The following DYNC2H1 variants were observed in gnomAD, a reference collection of about 807,000 sequenced individuals.
DYNC2H1 encodes the protein cytoplasmic dynein 2 heavy chain 1.
Under a neutral mutation model 570.0 loss-of-function variants are expected in DYNC2H1, and 410 were observed. That is an observed-to-expected ratio of 0.72 (90% CI 0.66 to 0.78). The LOEUF is 0.78. DYNC2H1 is among the 30% of genes least tolerant of loss of function. The pLI is 0.00. For missense variants in DYNC2H1, 4,865 were observed against 5,046.4 expected, an observed-to-expected ratio of 0.96 and a Z score of 1.09; for synonymous variants, 1,688 against 1,677.6, an observed-to-expected ratio of 1.01 and a Z score of -0.15.
chr11:103,349,471 C>T (rs528916357), intron 82 of DYNC2H1, among the ~76,000 whole-genome samples: 7 of 151,956 alleles, frequency 4.6e-5, no homozygotes, highest in Admixed American at 1.3e-4. Context: ...ATTCAGGGTG[C>T]GACAAAGTAT....
At chr11:103,448,927 TC>T (rs397829175) in intron 85 of DYNC2H1, among the ~76,000 whole-genome samples, 28 of 152,110 alleles carry the variant, frequency 1.8e-4, no homozygotes, top group Admixed American at 5.9e-4. Flanking sequence ...TTCTTTTTTT[TC>T]CTTTGTTTCT....
intron 83 of DYNC2H1, among the ~76,000 whole-genome samples, chr11:103,392,827 A>G (rs1463652922): frequency 3.3e-5 from 5 of 151,588 alleles, no homozygotes; most frequent in Admixed American, 6.6e-5. Flanking sequence ...CAAATGTATG[A>G]TATTGTATGT....
At chr11:103,166,634 A>C (rs557729383) in intron 31 of DYNC2H1, among the ~76,000 whole-genome samples, 104 of 152,244 alleles carry the variant, frequency 6.8e-4, no homozygotes, top group African/African-American at 2.4e-3. Flanking sequence ...TTAGCATTTA[A>C]AGTGTTCTAC....
intron 68 of DYNC2H1, 101 bp from the exon 69 acceptor site, chr11:103,257,507 T>C: frequency 8.5e-7 from 1 of 1,182,026 alleles, no homozygotes; most frequent in South Asian, 2.9e-5. Context: ...AAGGTTTTTT[T>C]ATTACTTGGG....
chr11:103,430,193 CAT>C (rs1943837039), intron 84 of DYNC2H1, among the ~76,000 whole-genome samples: 1 of 152,030 alleles, frequency 6.6e-6, no homozygotes, highest in African/African-American at 2.4e-5. Flanking sequence ...ATACAATAAA[CAT>C]ATTAAGATTC....
intron 40 of DYNC2H1, among the ~76,000 whole-genome samples, chr11:103,182,526 C>G (rs1177904670): frequency 6.6e-6 from 1 of 151,646 alleles, no homozygotes; most frequent in Non-Finnish European, 1.5e-5. Context: ...AAGGGTTTAT[C>G]TAATGGAGAA....
intron 36 of DYNC2H1, among the ~76,000 whole-genome samples, chr11:103,175,254 C>G (rs1861755334): frequency 6.6e-6 from 1 of 152,102 alleles, no homozygotes; most frequent in Non-Finnish European, 1.5e-5. Flanking sequence ...ATGAAATTAC[C>G]TCTTTGGACT....
intron 12 of DYNC2H1, among the ~76,000 whole-genome samples, chr11:103,127,428 T>C (rs572213444): frequency 6.6e-6 from 1 of 152,292 alleles, no homozygotes; most frequent in South Asian, 2.1e-4. Flanking sequence ...TTGTATTGCT[T>C]CTGGTTTTCT....
rs923987914 is a variant in DYNC2H1 at position 103,305,337 on chromosome 11, C to A, written c.11382+617C>A. The stretch of plus-strand genomic sequence containing the variant: ...AGAAAGGATATCATGATTTTAATTC[C>A]ATCAGCACAAGTAGAGATAGTGTTG... On this transcript the variant is annotated intron_variant, in intron 77 of 88. Transcript: ENST00000375735. The surrounding 1 kb of genome is among the most constrained non-coding windows in gnomAD (Gnocchi z 4.3). 6.6e-6 allele frequency among the ~76,000 whole-genome samples: 1 copy of A among 152,014 alleles called. No homozygotes were observed. The highest frequency in any genetic ancestry group is 1.5e-5 in the Non-Finnish European group (1 of 67,992).
intron 70 of DYNC2H1, among the ~76,000 whole-genome samples, chr11:103,269,283 T>G (rs552738611): frequency 2.0e-5 from 3 of 152,334 alleles, no homozygotes; most frequent in South Asian, 4.1e-4. Context: ...TTTCAGTGAT[T>G]AATAAAAATT....
At chr11:103,288,069 C>A (rs924636506) in intron 75 of DYNC2H1, among the ~76,000 whole-genome samples, 12 of 152,020 alleles carry the variant, frequency 7.9e-5, no homozygotes, top group Admixed American at 2.0e-4. Flanking sequence ...TCTTCTGTTT[C>A]TAGGTGGGAT....
intron 75 of DYNC2H1, among the ~76,000 whole-genome samples, chr11:103,292,714 C>T (rs914233743): frequency 2.0e-5 from 3 of 152,160 alleles, no homozygotes; most frequent in Non-Finnish European, 2.9e-5. Flanking sequence ...TGTGGCACCA[C>T]CCTCCCTACT....
At chr11:103,452,831 GTAAA>G (rs1944657818) in intron 85 of DYNC2H1, among the ~76,000 whole-genome samples, 1 of 151,904 alleles carries the variant, frequency 6.6e-6, no homozygotes, top group Non-Finnish European at 1.5e-5. Context: ...ATGCTTCTGA[GTAAA>G]TGAATGTAAT....
At chr11:103,431,330 A>G (rs1943885474) in intron 84 of DYNC2H1, among the ~76,000 whole-genome samples, 1 of 152,118 alleles carries the variant, frequency 6.6e-6, no homozygotes, top group African/African-American at 2.4e-5. Flanking sequence ...TGAATCTCAA[A>G]TGGTTTAATA....
intron 77 of DYNC2H1, among the ~76,000 whole-genome samples, chr11:103,306,061 A>G (rs1867269283): frequency 6.6e-6 from 1 of 152,066 alleles, no homozygotes; most frequent in Non-Finnish European, 1.5e-5. Context: ...ACAGGCATGC[A>G]TCACCATGCC....
chr11:103,291,671 A>G (rs941238171), intron 75 of DYNC2H1, among the ~76,000 whole-genome samples: 2 of 152,118 alleles, frequency 1.3e-5, no homozygotes, highest in African/African-American at 2.4e-5. Flanking sequence ...GTGCCCTGCT[A>G]TTATTGTATT....
intron 83 of DYNC2H1, among the ~76,000 whole-genome samples, chr11:103,396,666 T>C (rs1482138854): frequency 1.3e-5 from 2 of 152,226 alleles, no homozygotes; most frequent in Non-Finnish European, 2.9e-5. Flanking sequence ...ACAAACAACC[T>C]GGTTTCACAC....
At chr11:103,413,566 T>A (rs892620214) in intron 84 of DYNC2H1, among the ~76,000 whole-genome samples, 1 of 152,176 alleles carries the variant, frequency 6.6e-6, no homozygotes, top group African/African-American at 2.4e-5. Context: ...TCCACCTTAC[T>A]GCTCATTAAA....
intron 70 of DYNC2H1, among the ~76,000 whole-genome samples, chr11:103,272,016 AAT>A: frequency 6.6e-6 from 1 of 152,338 alleles, no homozygotes; most frequent in Admixed American, 6.5e-5. Flanking sequence ...TCAGTGTGGC[AAT>A]TCCTCAAGGA....
Sources: allele counts gnomAD v4.1 joint callset (sites outside exome capture counted in the v4.1 genomes callset), GRCh38; gene constraint gnomAD v4.1.1; non-coding constraint Gnocchi (gnomAD v3.1); transcripts MANE v1.5; gene names NCBI Gene and HGNC (gene_info 2026-07-23, HGNC 2026-07-21).